FOXP2: variants seen among roughly 807,000 people sequenced by gnomAD.
FOXP2 encodes the protein forkhead box protein P2.
In FOXP2, 12 loss-of-function variants were observed where a neutral mutation model predicts 115.8. The ratio of observed to expected loss-of-function variants is 0.10; its 90% CI spans 0.07 to 0.17. FOXP2 has a LOEUF of 0.17. Ranked by LOEUF, FOXP2 falls within the 10% of genes least tolerant of loss-of-function variation. The pLI, the probability that FOXP2 is intolerant of heterozygous loss-of-function variation, is 1.00. For synonymous variants in FOXP2, 328 were observed against 297.7 expected (o/e 1.10, Z -1.05); for missense variants, 629 against 843.5 (o/e 0.75, Z 3.15).
chr7:114,384,897 C>T (rs1451504577), intron 2 of FOXP2, among the ~76,000 whole-genome samples: 2 of 151,904 alleles, frequency 1.3e-5, no homozygotes, highest in African/African-American at 4.8e-5. Flanking sequence ...TTGCTACGCC[C>T]TTATTTACAC....
intron 2 of FOXP2, among the ~76,000 whole-genome samples, chr7:114,513,725 G>A (rs1384076669): frequency 1.3e-5 from 2 of 152,058 alleles, no homozygotes; most frequent in Non-Finnish European, 2.9e-5. Flanking sequence ...ACATAAATCT[G>A]CAGAGTAAAC....
intron 1 of FOXP2, among the ~76,000 whole-genome samples, chr7:114,255,710 G>C (rs1225249536): frequency 6.6e-6 from 1 of 152,142 alleles, no homozygotes; most frequent in African/African-American, 2.4e-5. Context: ...GCTTGGCTAG[G>C]AAAGGGAAAT....
At chr7:114,355,338 G>A (rs1386256406) in intron 2 of FOXP2, among the ~76,000 whole-genome samples, 1 of 152,096 alleles carries the variant, frequency 6.6e-6, no homozygotes, top group South Asian at 2.1e-4. Flanking sequence ...TGTCCCATGG[G>A]GAGACTGGAG....
chr7:114,499,548 C>T (rs1797470764), intron 2 of FOXP2: 1 of 152,114 alleles, frequency 6.6e-6, no homozygotes, highest in African/African-American at 2.4e-5. Flanking sequence ...TACTTCCTTT[C>T]ATCTTACACA....
intron 3 of FOXP2, among the ~76,000 whole-genome samples, chr7:114,558,497 C>A (rs543439116): frequency 4.2e-4 from 64 of 152,244 alleles, no homozygotes; most frequent in Non-Finnish European, 8.5e-4. Flanking sequence ...TTTTGCTTCT[C>A]TTTCTGTCCC....
chr7:114,274,670 A>C (rs1222942379), intron 1 of FOXP2, among the ~76,000 whole-genome samples: 1 of 118,320 alleles, frequency 8.5e-6, no homozygotes, highest in African/African-American at 3.2e-5. Flanking sequence ...GCTGGAGTGC[A>C]GTGGCACGAT....
chr7:114,577,882 C>A (rs915992717), intron 3 of FOXP2, among the ~76,000 whole-genome samples: 5 of 151,732 alleles, frequency 3.3e-5, no homozygotes, highest in African/African-American at 1.2e-4. Flanking sequence ...AAAGGGGAGG[C>A]ATCAAGCAAA....
At chr7:114,120,290 T>G (rs570552563) in intron 1 of FOXP2, among the ~76,000 whole-genome samples, 13 of 152,172 alleles carry the variant, frequency 8.5e-5, no homozygotes, top group African/African-American at 2.9e-4. Flanking sequence ...AGAAGAGAGA[T>G]AAGTGTGGCT....
At chr7:114,328,233 CTTTTTTT>C (rs1193894946) in intron 2 of FOXP2, among the ~76,000 whole-genome samples, 1 of 129,604 alleles carries the variant, frequency 7.7e-6, no homozygotes, top group Non-Finnish European at 1.6e-5. Context: ...CTTTTCTTTT[CTTTTTTT>C]TTTTTTTTTT....
intron 3 of FOXP2, chr7:114,570,781 C>T (rs1801261567): frequency 2.5e-6 from 4 of 1,588,438 alleles, no homozygotes; most frequent in Non-Finnish European, 3.5e-6. Flanking sequence ...AAAAAGCCAA[C>T]TCCTGATTCT....
At chr7:114,617,146 G>C (rs1053497848) in intron 3 of FOXP2, among the ~76,000 whole-genome samples, 1 of 152,066 alleles carries the variant, frequency 6.6e-6, no homozygotes, top group African/African-American at 2.4e-5. Flanking sequence ...CATTCTACTT[G>C]GATATTCTAC....
At chr7:114,592,882 T>C (rs563934086) in intron 3 of FOXP2, among the ~76,000 whole-genome samples, 1 of 152,022 alleles carries the variant, frequency 6.6e-6, no homozygotes, top group East Asian at 1.9e-4. Context: ...TTGCAACAAA[T>C]TGAAGCACCA....
At chr7:114,517,721 G>A (rs2075797219) in intron 2 of FOXP2, among the ~76,000 whole-genome samples, 1 of 152,002 alleles carries the variant, frequency 6.6e-6, no homozygotes, top group East Asian at 1.9e-4. Flanking sequence ...TGTTTTCATT[G>A]CTATAGCTTC....
At chr7:114,095,399 A>T (rs918364410) in intron 1 of FOXP2, among the ~76,000 whole-genome samples, 1 of 152,182 alleles carries the variant, frequency 6.6e-6, no homozygotes, top group Non-Finnish European at 1.5e-5. Flanking sequence ...ACAAAGAAAA[A>T]TGACCACAGT....
chr7:114,693,658 T>G lies in FOXP2; in HGVS notation c.*3732T>G. On this transcript the variant is annotated 3_prime_UTR_variant, in exon 17 of 17. Transcript: ENST00000350908. ...TACATTTTACTATAGAATTAATGTA[T>G]GAACAGTGTGTCACTGCTGTTGGAT... 2.3e-6 allele frequency: 1 copy of G among 427,562 alleles called. No homozygotes were observed. Among genetic ancestry groups the G allele is most frequent in the Non-Finnish European group, 4.7e-6 (1 of 214,240 alleles). 26.5% of individuals were successfully genotyped at this position (427,562 alleles called of 1,614,324 possible). A position where few individuals can be genotyped will look rare whatever the true frequency, so the allele number is the denominator to read the frequency against.
intron 3 of FOXP2, among the ~76,000 whole-genome samples, chr7:114,591,554 C>A (rs1802438831): frequency 6.6e-6 from 1 of 151,772 alleles, no homozygotes; most frequent in East Asian, 1.9e-4. Context: ...AGAGTGTGAT[C>A]TCTGACTACC....
chr7:114,392,258 G>T (rs925937967), intron 2 of FOXP2, among the ~76,000 whole-genome samples: 3 of 152,220 alleles, frequency 2.0e-5, no homozygotes, highest in Admixed American at 2.0e-4. Context: ...CAGTAGGCCA[G>T]TATGCGTGGT....
At chr7:114,146,582 A>G (rs1792375413) in intron 1 of FOXP2, among the ~76,000 whole-genome samples, 1 of 152,218 alleles carries the variant, frequency 6.6e-6, no homozygotes. Flanking sequence ...CATTCATCAG[A>G]AGAATTTTAT....
Position 114,690,204 on chromosome 7 carries a change from A to G in FOXP2, c.*278A>G. On this transcript the variant is annotated 3_prime_UTR_variant, in exon 17 of 17. Transcript: ENST00000350908. ...AAAAAAAATGAACTGTTCTTTCTAT[A>G]ATGGCTTTGCCCATTTAAAAAATGT... 2.0e-6 allele frequency: 1 copy of G among 499,548 alleles called. No homozygotes were observed. The allele number at this position is 499,548 out of a possible 1,614,324, so 30.9% of individuals were successfully genotyped here.
Sources: gnomAD v4.1 joint callset for allele counts (sites outside exome capture counted in the v4.1 genomes callset) on GRCh38, gnomAD v4.1.1 for gene constraint, MANE v1.5 for transcripts, NCBI Gene and HGNC (gene_info 2026-07-23, HGNC 2026-07-21) for gene names.